Variants in MAP2K1 observed in about 807,000 individuals in gnomAD.
MAP2K1 encodes the protein mitogen-activated protein kinase kinase 1.
Under a neutral mutation model 46.3 loss-of-function variants are expected in MAP2K1, and 16 were observed. That is an observed-to-expected ratio of 0.35 (90% confidence interval 0.23 to 0.52). MAP2K1 has a LOEUF of 0.52. Among genes scored for constraint, MAP2K1 ranks in the 20% least tolerant of loss-of-function variants. The pLI is 0.94. For synonymous variants in MAP2K1, 183 were observed against 185.6 expected, an observed-to-expected ratio of 0.99 and a Z score of 0.11; for missense variants, 263 against 497.1, an observed-to-expected ratio of 0.53 and a Z score of 4.48.
chr15:66,464,224 A>G (rs1329237457), intron 5 of MAP2K1, among the ~76,000 whole-genome samples: 1 of 152,202 alleles, frequency 6.6e-6, no homozygotes, highest in Non-Finnish European at 1.5e-5. Context: ...GTAGGTCCCA[A>G]GTTACTAGGA....
At chr15:66,412,686 T>C (rs1458575314) in intron 1 of MAP2K1, among the ~76,000 whole-genome samples, 1 of 152,024 alleles carries the variant, frequency 6.6e-6, no homozygotes, top group African/African-American at 2.4e-5. Context: ...CTTATGGCAA[T>C]TTTTGTTTGT....
chr15:66,418,229 A>G (rs1438893663), intron 1 of MAP2K1, among the ~76,000 whole-genome samples: 2 of 152,160 alleles, frequency 1.3e-5, no homozygotes, highest in Non-Finnish European at 2.9e-5. Context: ...CCTATGACCT[A>G]TGGAGAGGAT....
intron 5 of MAP2K1, among the ~76,000 whole-genome samples, chr15:66,473,867 A>G (rs184991184): frequency 1.2e-4 from 19 of 152,178 alleles, no homozygotes; most frequent in Admixed American, 4.6e-4. Context: ...TTTTTAGTAG[A>G]GACAGAGTTT....
chr15:66,453,166 C>T (rs1404441525), intron 5 of MAP2K1, among the ~76,000 whole-genome samples: 2 of 152,170 alleles, frequency 1.3e-5, no homozygotes, highest in African/African-American at 4.8e-5. Context: ...AGACCTCTAA[C>T]TTTATTTCCA....
intron 3 of MAP2K1, among the ~76,000 whole-genome samples, chr15:66,439,267 G>T (rs1044436414): frequency 6.6e-6 from 1 of 152,186 alleles, no homozygotes; most frequent in Admixed American, 6.5e-5. Flanking sequence ...GAAGGTCTTT[G>T]GTCCTCTCTC....
chr15:66,475,856 C>G (rs886361265), intron 5 of MAP2K1, among the ~76,000 whole-genome samples: 4 of 152,156 alleles, frequency 2.6e-5, no homozygotes, highest in African/African-American at 9.7e-5. Context: ...GTCCTTTTTA[C>G]TCTTAGCTCA....
intron 5 of MAP2K1, among the ~76,000 whole-genome samples, chr15:66,473,098 G>C (rs1157054453): frequency 6.6e-6 from 1 of 152,142 alleles, no homozygotes; most frequent in Non-Finnish European, 1.5e-5. Context: ...TGGTTGATTG[G>C]GTTTGTGATA....
At chr15:66,426,390 G>A (rs2093459155) in intron 1 of MAP2K1, among the ~76,000 whole-genome samples, 1 of 149,058 alleles carries the variant, frequency 6.7e-6, no homozygotes, top group Non-Finnish European at 1.5e-5. Flanking sequence ...ATAATTACTT[G>A]GCATAAGTCG....
chr15:66,473,123 A>T lies in MAP2K1; in HGVS notation c.569-8632A>T, dbSNP rs186932201. ...GGTTTGTGATACTGTGATACATTGC[A>T]TATCTGCTCCTCTGAGGTAGCCCAA... On this transcript the variant is annotated intron_variant, in intron 5 of 10. Transcript: ENST00000307102. Among the ~76,000 whole-genome samples the T allele has an allele frequency of 8.8e-4, 134 of 152,330 alleles. 1 individual carries two copies. Among genetic ancestry groups the T allele is most frequent in the African/African-American group, 3.1e-3 (129 of 41,570 alleles).
intron 5 of MAP2K1, among the ~76,000 whole-genome samples, chr15:66,478,506 A>T (rs193048712): frequency 0.02 from 2,764 of 141,414 alleles, 23 homozygotes; most frequent in African/African-American, 0.031. Context: ...ATATATATAT[A>T]TTTTTTTTTT....
chr15:66,459,355 G>A (rs1232134716), intron 5 of MAP2K1, among the ~76,000 whole-genome samples: 4 of 150,642 alleles, frequency 2.7e-5, no homozygotes, highest in Admixed American at 6.6e-5. Context: ...AGTGGCTCAT[G>A]CCTATAATCC....
intron 5 of MAP2K1, among the ~76,000 whole-genome samples, chr15:66,463,302 G>C (rs753007874): frequency 6.6e-6 from 1 of 152,222 alleles, no homozygotes; most frequent in East Asian, 1.9e-4. Context: ...AGTCAAACAC[G>C]AAGGGAACAT....
At chr15:66,486,576 AGATG>A (rs1893042757) in intron 7 of MAP2K1, among the ~76,000 whole-genome samples, 1 of 152,246 alleles carries the variant, frequency 6.6e-6, no homozygotes. Flanking sequence ...CTGACTCCCA[AGATG>A]ATAAACACTG....
intron 5 of MAP2K1, among the ~76,000 whole-genome samples, chr15:66,448,076 C>T (rs1203807570): frequency 7.1e-6 from 1 of 140,678 alleles, no homozygotes; most frequent in Admixed American, 8.2e-5. Flanking sequence ...TCACTTGAAC[C>T]TGGGAGACGG....
chr15:66,446,158 C>T (rs1295167907), intron 5 of MAP2K1, among the ~76,000 whole-genome samples: 2 of 151,922 alleles, frequency 1.3e-5, no homozygotes, highest in African/African-American at 2.4e-5. Context: ...AGGCAGAGGT[C>T]GCAGTGAGCC....
At position 66,396,952 on chromosome 15, in the gene MAP2K1, T is replaced by G. The variant is rs1395103964; in HGVS notation, c.80+9525T>G. Reference sequence around the variant, plus strand: ...TGCCCACCTCGGCCTCCCAAAGTGCTGGGATTACAGGCATGAGCTACCATG... The same window carrying G: ...TGCCCACCTCGGCCTCCCAAAGTGCGGGGATTACAGGCATGAGCTACCATG... On this transcript the variant is annotated intron_variant, in intron 1 of 10. Coordinates refer to ENST00000307102, the MANE Select transcript of MAP2K1 (RefSeq NM_002755.4). 2.0e-5 allele frequency among the ~76,000 whole-genome samples: 3 copies of G among 150,216 alleles called. No individual in the cohort carries two copies. The East Asian group carries it at 5.9e-4, about 30-fold the overall frequency.
intron 1 of MAP2K1, among the ~76,000 whole-genome samples, chr15:66,410,070 C>A (rs2093407515): frequency 6.6e-6 from 1 of 152,172 alleles, no homozygotes; most frequent in Admixed American, 6.5e-5. Context: ...ACTGGGCAGC[C>A]TACTCAGTTG....
intron 5 of MAP2K1, among the ~76,000 whole-genome samples, chr15:66,462,725 G>A (rs531943658): frequency 6.6e-6 from 1 of 152,242 alleles, no homozygotes; most frequent in Non-Finnish European, 1.5e-5. Context: ...TGTCAGGGGA[G>A]GCTTCACAGA....
At chr15:66,428,079 A>G (rs1242907310) in intron 1 of MAP2K1, among the ~76,000 whole-genome samples, 1 of 152,128 alleles carries the variant, frequency 6.6e-6, no homozygotes, top group Admixed American at 6.5e-5. Flanking sequence ...TCATACCCAG[A>G]TAGCCTGACT....
Sources: gnomAD v4.1 joint callset for allele counts (sites outside exome capture counted in the v4.1 genomes callset) on GRCh38, gnomAD v4.1.1 for gene constraint, MANE v1.5 for transcripts, NCBI Gene and HGNC (gene_info 2026-07-23, HGNC 2026-07-21) for gene names.